SEMA3D: variants seen among roughly 807,000 people sequenced by gnomAD.
The protein encoded by SEMA3D is semaphorin-3D.
A neutral mutation model predicts 100.1 loss-of-function variants in SEMA3D; 84 were observed. The ratio of observed to expected loss-of-function variants is 0.84; its 90% CI spans 0.70 to 1.01. The LOEUF is 1.01. SEMA3D is among the 50% of genes least tolerant of loss of function. The pLI, the probability that SEMA3D is intolerant of heterozygous loss-of-function variation, is 0.00. For missense variants in SEMA3D, 875 were observed against 934.1 expected (o/e 0.94, Z 0.82); for synonymous variants, 312 against 320.7 (o/e 0.97, Z 0.29).
At chr7:85,012,753 G>A in intron 17 of SEMA3D, 29 bp downstream of exon 17, 6 of 1,558,764 alleles carry the variant, frequency 3.8e-6, no homozygotes, top group Non-Finnish European at 5.3e-6. Context: ...TTTTAAATGG[G>A]AGAAAAAGCA....
chr7:85,020,206 C>T (rs1387263722), intron 14 of SEMA3D, 27 bp downstream of exon 14: 2 of 1,500,264 alleles, frequency 1.3e-6, no homozygotes, highest in African/African-American at 1.4e-5. Context: ...AACATCTTTT[C>T]TCCTGGCACT....
chr7:85,098,447 A>T (rs991456218), intron 3 of SEMA3D, among the ~76,000 whole-genome samples: 1 of 151,906 alleles, frequency 6.6e-6, no homozygotes, highest in African/African-American at 2.4e-5. Context: ...AAATTAATTA[A>T]TGTATACAAA....
intron 3 of SEMA3D, among the ~76,000 whole-genome samples, chr7:85,119,920 G>A (rs535530973): frequency 2.0e-5 from 3 of 149,630 alleles, no homozygotes; most frequent in Admixed American, 1.3e-4. Flanking sequence ...CAAATTCCCC[G>A]TTTGCCCCAA....
At chr7:85,189,110 C>T (rs1290733742), upstream of SEMA3D, among the ~76,000 whole-genome samples, 2 of 152,060 alleles carry the variant, frequency 1.3e-5, no homozygotes, top group East Asian at 3.9e-4. Context: ...GCTTTCCTTC[C>T]TTTTAATGAC....
chr7:85,199,913 T>C, the SEMA3D span, among the ~76,000 whole-genome samples: 1 of 152,142 alleles, frequency 6.6e-6, no homozygotes, highest in Non-Finnish European at 1.5e-5. Context: ...CATGACAGTG[T>C]ATGAGTCTTA....
the SEMA3D span, among the ~76,000 whole-genome samples, chr7:85,193,729 G>C: frequency 2.0e-5 from 3 of 152,072 alleles, no homozygotes; most frequent in African/African-American, 7.2e-5. Flanking sequence ...AAAAGACTGG[G>C]ACCTAACCAT....
chr7:85,036,770 T>C lies in SEMA3D; in HGVS notation c.1191+119A>G. The C allele has an allele frequency of 6.6e-6, 5 of 758,698 alleles. No homozygotes were observed. In the South Asian group the frequency reaches 1.2e-4, roughly 19 times the overall value. 47.0% of individuals were successfully genotyped at this position (758,698 alleles called of 1,614,324 possible). On this transcript the variant is annotated intron_variant, in intron 12 of 18. Coordinates refer to ENST00000284136, the MANE Select transcript of SEMA3D (RefSeq NM_001384900.1). ...AAGGATGAAAATGCTAATACTTCAC[T>C]GCAAATAAATGTTATTACAGCACAT...
In SEMA3D at chr7:85,185,622, G is replaced by A. The variant is rs904368717; in HGVS notation, c.-173+1056C>T. 8.5e-5 allele frequency among the ~76,000 whole-genome samples: 13 copies of A among 152,268 alleles called. No homozygotes were observed. The South Asian group carries it at 2.7e-3, about 32-fold the overall frequency. ...CCAGCGGCCCCAGCTGCTGGCGCGC[G>A]GCTCTCTTCCAGTCCCCTGGATCCC... On this transcript the variant is annotated intron_variant, in intron 1 of 18. Transcript: ENST00000284136.
chr7:85,124,611 C>G (rs1789515800), intron 2 of SEMA3D, among the ~76,000 whole-genome samples: 1 of 151,976 alleles, frequency 6.6e-6, no homozygotes, highest in Admixed American at 6.6e-5. Context: ...TTAAACAAGA[C>G]AAGTATACTT....
chr7:85,218,287 G>A, the SEMA3D span, among the ~76,000 whole-genome samples: 3 of 152,076 alleles, frequency 2.0e-5, no homozygotes, highest in South Asian at 2.1e-4. Context: ...TAATATATAT[G>A]TATTTATTTA....
At chr7:85,242,030 A>C in the SEMA3D span, among the ~76,000 whole-genome samples, 1 of 151,822 alleles carries the variant, frequency 6.6e-6, no homozygotes, top group Non-Finnish European at 1.5e-5. Context: ...CTAAAAATAG[A>C]GCTACCATAA....
intron 4 of SEMA3D, among the ~76,000 whole-genome samples, chr7:85,090,322 T>G (rs768199838): frequency 6.6e-6 from 1 of 152,104 alleles, no homozygotes; most frequent in Non-Finnish European, 1.5e-5. Flanking sequence ...AGTAACCAGA[T>G]GGGACCTGCA....
At position 84,996,467 on chromosome 7, in the gene SEMA3D, C is replaced by T. The variant is rs541315333; in HGVS notation, c.*2973G>A. ...TGCAAATTACTAAATTTCTCTGTGA[C>T]TACTTTTCCATTTCTTAAGTAATTT... On this transcript the variant is annotated 3_prime_UTR_variant, in exon 19 of 19. Coordinates refer to ENST00000284136, the MANE Select transcript of SEMA3D (RefSeq NM_001384900.1). 7.2e-5 allele frequency: 11 copies of T among 152,108 alleles called. No homozygotes were observed. Among genetic ancestry groups the T allele is most frequent in the African/African-American group, 2.4e-4 (10 of 41,550 alleles). The allele number at this position is 152,108 out of a possible 1,614,324, so 9.4% of individuals were successfully genotyped here.
chr7:85,018,275 T>A lies in SEMA3D; in HGVS notation c.1522A>T (p.Asn508Tyr), dbSNP rs1287190427. ...QIFKHSSIIL[N>Y]MELSLKQQQL... ...ACCTGCTTCAGAGACAATTCCATGT[T>A]CAAGATGATTGATGAGTGCTGAAAA... The change falls in exon 15 of 19, where the codon AAC becomes TAC. Residue 508 changes from asparagine to tyrosine, a missense_variant. Coordinates refer to ENST00000284136, the MANE Select transcript of SEMA3D (RefSeq NM_001384900.1). The A allele has an allele frequency of 6.3e-7, 1 of 1,595,506 alleles. No homozygotes were observed. The highest frequency in any genetic ancestry group is 8.6e-7 in the Non-Finnish European group (1 of 1,164,500).
At chr7:85,200,576 G>A in the SEMA3D span, among the ~76,000 whole-genome samples, 2 of 152,188 alleles carry the variant, frequency 1.3e-5, no homozygotes, top group Non-Finnish European at 2.9e-5. Context: ...TTTTATAAGG[G>A]AAGCAGAGCA....
intron 14 of SEMA3D, among the ~76,000 whole-genome samples, chr7:85,019,197 G>A (rs1006003146): frequency 1.6e-4 from 25 of 151,730 alleles, no homozygotes; most frequent in African/African-American, 5.8e-4. Flanking sequence ...GGTCATTTAT[G>A]TAATTTTAAC....
chr7:85,237,030 C>A, the SEMA3D span, among the ~76,000 whole-genome samples: 1 of 152,028 alleles, frequency 6.6e-6, no homozygotes, highest in African/African-American at 2.4e-5. Context: ...AAAATCAAAC[C>A]AAGAAATTGA....
intron 9 of SEMA3D, among the ~76,000 whole-genome samples, chr7:85,045,653 G>A (rs1056342606): frequency 8.6e-5 from 13 of 151,720 alleles, no homozygotes; most frequent in African/African-American, 2.4e-4. Context: ...ATATCTGTAC[G>A]TTAATAAGAA....
chr7:85,158,253 T>A (rs1158490662), intron 1 of SEMA3D, among the ~76,000 whole-genome samples: 1 of 152,312 alleles, frequency 6.6e-6, no homozygotes, highest in East Asian at 1.9e-4. Flanking sequence ...ATATTTCTCT[T>A]CTTTCAAAAG....
Sources: gnomAD v4.1 joint callset for allele counts (sites outside exome capture counted in the v4.1 genomes callset) on GRCh38, gnomAD v4.1.1 for gene constraint, MANE v1.5 for transcripts, NCBI Gene and HGNC (gene_info 2026-07-23, HGNC 2026-07-21) for gene names.